Variants in RASA1 observed in about 807,000 individuals in gnomAD.
RASA1 encodes the protein RAS p21 protein activator 1.
RASA1 carries 25 observed loss-of-function variants against 132.2 expected under a neutral mutation model. That is an observed-to-expected ratio of 0.19 (90% CI 0.14 to 0.26). RASA1 has a LOEUF of 0.26. Among genes scored for constraint, RASA1 ranks in the 10% least tolerant of loss-of-function variants. The probability of loss-of-function intolerance (pLI) is 1.00; values close to 1 mark genes in which losing one functional copy is unlikely to be tolerated. For synonymous variants in RASA1, 477 were observed against 449.9 expected, an observed-to-expected ratio of 1.06 and a Z score of -0.76; for missense variants, 964 against 1,299.2, an observed-to-expected ratio of 0.74 and a Z score of 3.97.
intron 11 of RASA1, among the ~76,000 whole-genome samples, chr5:87,366,184 T>C (rs960489891): frequency 1.3e-5 from 2 of 152,176 alleles, no homozygotes; most frequent in African/African-American, 4.8e-5. Context: ...AGTTTATGGA[T>C]TTAAGGCAGA....
intron 17 of RASA1, among the ~76,000 whole-genome samples, chr5:87,377,688 G>A (rs1761418054): frequency 6.6e-6 from 1 of 152,034 alleles, no homozygotes; most frequent in African/African-American, 2.4e-5. Context: ...AACTTTTATA[G>A]ATAGGTAGTT....
In RASA1 at chr5:87,338,536, A is replaced by ATATTTT; in HGVS notation, c.1017+446_1017+447insATTTTT. 1.2e-3 allele frequency among the ~76,000 whole-genome samples: 100 copies of ATATTTT among 85,208 alleles called. 2 individuals are homozygous for ATATTTT. The highest frequency in any genetic ancestry group is 7.5e-3 in the Middle Eastern group (1 of 134). The allele number at this position is 85,208 out of a possible 152,430, so 55.9% of individuals were successfully genotyped here. A position where few individuals can be genotyped will look rare whatever the true frequency, so the allele number is the denominator to read the frequency against. ...ATATATATATATATATATATATAAA[A>ATATTTT]TTTTTTTTTTTTTTAAGTAGAAATG... is the stretch of plus-strand genomic sequence containing the variant. On this transcript the variant is annotated intron_variant, in intron 5 of 24. Coordinates refer to ENST00000274376, the MANE Select transcript of RASA1 (RefSeq NM_002890.3).
intron 1 of RASA1, among the ~76,000 whole-genome samples, chr5:87,315,257 A>C (rs559653923): frequency 3.9e-5 from 6 of 152,204 alleles, no homozygotes; most frequent in Non-Finnish European, 8.8e-5. Context: ...GATGCTGGGA[A>C]GTCCAAGACT....
chr5:87,348,823 T>C (rs990244204), intron 7 of RASA1, among the ~76,000 whole-genome samples: 5 of 152,096 alleles, frequency 3.3e-5, no homozygotes, highest in African/African-American at 1.2e-4. Context: ...TTAAGCAAAC[T>C]GGTCTTCACT....
In RASA1 at chr5:87,268,875, T is replaced by C. The variant is rs971996288; in HGVS notation, c.424T>C (p.Tyr142His). Residue 142 changes from tyrosine to histidine, a missense_variant, in exon 1 of 25, where the codon TAC becomes CAC. Tyr to His is a moderately conservative substitution (Grantham distance 83). Around this residue, in one of 6 missense-constraint regions of RASA1, gnomAD observed 326 missense variants for 275.8 expected, o/e 1.18. Coordinates refer to ENST00000274376, the MANE Select transcript of RASA1 (RefSeq NM_002890.3). ...TTTTCCCCCTCTGCCCCCTCCCCCTTACCTGCCCCCTTTGGGGGCGGGCCT... is the reference window on the plus strand; with the variant it reads ...TTTTCCCCCTCTGCCCCCTCCCCCTCACCTGCCCCCTTTGGGGGCGGGCCT... ...GGFPPLPPPP[Y>H]LPPLGAGLGT... The C allele has an allele frequency of 6.2e-7, 1 of 1,613,914 alleles. No individual in the cohort carries two copies. The highest frequency in any genetic ancestry group is 1.3e-5 in the African/African-American group (1 of 74,914).
At chr5:87,274,172 T>C (rs1240404510) in intron 1 of RASA1, among the ~76,000 whole-genome samples, 2 of 152,194 alleles carry the variant, frequency 1.3e-5, no homozygotes, top group Non-Finnish European at 2.9e-5. Flanking sequence ...CAGGTCTGCT[T>C]TGCCTTTGCT....
chr5:87,353,143 T>A lies in RASA1; in HGVS notation c.1254-14T>A. 6.3e-7 allele frequency: 1 copy of A among 1,596,656 alleles called. No individual in the cohort carries two copies. The highest frequency in any genetic ancestry group is 8.6e-7 in the Non-Finnish European group (1 of 1,165,332). On this transcript the variant is annotated splice_polypyrimidine_tract_variant and intron_variant, in intron 8 of 24. Transcript: ENST00000274376. Reference sequence around the variant, plus strand: ...TATGAGACAGATTAATACTAGAAATTTTTATTTTAACAGCATTGGGGACAT... The same window carrying A: ...TATGAGACAGATTAATACTAGAAATATTTATTTTAACAGCATTGGGGACAT...
At chr5:87,380,123 A>G (rs1008245816) in intron 19 of RASA1, among the ~76,000 whole-genome samples, 1 of 152,228 alleles carries the variant, frequency 6.6e-6, no homozygotes, top group Admixed American at 6.5e-5. Context: ...ATTGTAAAAG[A>G]TATCTTGTCT....
In RASA1 at chr5:87,307,677, C is replaced by A. The variant is rs551661388; in HGVS notation, c.540-23671C>A. ...AAAATTTATTCCCCTTTGGGTCTGA[C>A]ATTGATAATTTGTGACTTTTTCTTC... On this transcript the variant is annotated intron_variant, in intron 1 of 24. Transcript: ENST00000274376. 1.6e-3 allele frequency among the ~76,000 whole-genome samples: 241 copies of A among 152,292 alleles called. 1 individual carries two copies. Among genetic ancestry groups the A allele is most frequent in the Middle Eastern group, 6.8e-3 (2 of 294 alleles).
intron 10 of RASA1, 133 bp downstream of exon 10, chr5:87,362,804 T>C: frequency 2.0e-6 from 2 of 1,010,734 alleles, no homozygotes; most frequent in Non-Finnish European, 2.9e-6. Flanking sequence ...AGAGCCCATA[T>C]ATAAGCATTC....
At chr5:87,379,681 A>T in intron 18 of RASA1, 54 bp from the exon 19 acceptor site, 1 of 1,597,584 alleles carries the variant, frequency 6.3e-7, no homozygotes, top group African/African-American at 1.3e-5. Context: ...TCCTCTATTC[A>T]TTTGCATTTG....
chr5:87,317,787 C>A (rs188885540), intron 1 of RASA1, among the ~76,000 whole-genome samples: 2 of 152,102 alleles, frequency 1.3e-5, no homozygotes, highest in East Asian at 3.9e-4. Context: ...AGGCGCATAC[C>A]ACCACACTCA....
Position 87,268,729 on chromosome 5 carries a change from C to G in RASA1, c.278C>G (p.Ala93Gly). ...GAGLTGGGTAAGVAGAAAGVA... is the reference protein window; with the variant it reads ...GAGLTGGGTAGGVAGAAAGVA... ...GGACTGACAGGGGGAGGTACTGCTGCTGGCGTAGCTGGTGCTGCTGCTGGC... is the reference window on the plus strand; with the variant it reads ...GGACTGACAGGGGGAGGTACTGCTGGTGGCGTAGCTGGTGCTGCTGCTGGC... The change falls in exon 1 of 25, where the codon GCT (alanine) becomes GGT (glycine). Residue 93 changes from alanine to glycine, a missense_variant. By Grantham distance (60) the Ala-to-Gly change is moderately conservative. Around this residue, in one of 6 missense-constraint regions of RASA1, gnomAD observed 326 missense variants for 275.8 expected, o/e 1.18. Coordinates refer to ENST00000274376, the MANE Select transcript of RASA1 (RefSeq NM_002890.3). 1.2e-6 allele frequency: 2 copies of G among 1,612,764 alleles called. No individual in the cohort carries two copies. The highest frequency in any genetic ancestry group is 1.7e-4 in the Middle Eastern group (1 of 6,002).
rs115470570 is a variant in RASA1, at chr5:87,307,830, G to A, written c.540-23518G>A. Among the ~76,000 whole-genome samples, 1,046 of 151,948 alleles carry A rather than the reference G, an allele frequency of 6.9e-3. 12 individuals are homozygous for A. Among genetic ancestry groups the A allele is most frequent in the African/African-American group, 0.023 (971 of 41,428 alleles). Reference sequence around the variant, plus strand: ...TTGTCTTCTTGTATACTCTCTCGGCGTGCGTTACATTTTAATTAAATGCCA... The same window carrying A: ...TTGTCTTCTTGTATACTCTCTCGGCATGCGTTACATTTTAATTAAATGCCA... On this transcript the variant is annotated intron_variant, in intron 1 of 24. Coordinates refer to ENST00000274376, the MANE Select transcript of RASA1 (RefSeq NM_002890.3).
intron 5 of RASA1, among the ~76,000 whole-genome samples, chr5:87,338,668 G>A (rs1452015703): frequency 1.3e-5 from 2 of 150,192 alleles, no homozygotes; most frequent in Admixed American, 6.6e-5. Context: ...CACAGTGCCC[G>A]GCCTATTTGT....
intron 7 of RASA1, among the ~76,000 whole-genome samples, chr5:87,348,743 A>C (rs1166882600): frequency 1.3e-5 from 2 of 151,874 alleles, no homozygotes; most frequent in African/African-American, 4.8e-5. Flanking sequence ...ATATGCATGT[A>C]CCACTGTGCC....
chr5:87,270,238 T>C (rs1420419296), intron 1 of RASA1, among the ~76,000 whole-genome samples: 17 of 138,534 alleles, frequency 1.2e-4, no homozygotes, highest in Non-Finnish European at 6.2e-5. Context: ...CGAGACTCTG[T>C]CTCAAAAAAA....
At chr5:87,279,545 T>G (rs1323363854) in intron 1 of RASA1, among the ~76,000 whole-genome samples, 1 of 152,216 alleles carries the variant, frequency 6.6e-6, no homozygotes, top group Non-Finnish European at 1.5e-5. Context: ...CTGGATTGTA[T>G]GATAGTTGCA....
At chr5:87,330,278 T>C (rs1006615011) in intron 1 of RASA1, among the ~76,000 whole-genome samples, 2 of 152,096 alleles carry the variant, frequency 1.3e-5, no homozygotes, top group Non-Finnish European at 2.9e-5. Context: ...CTTACAAAAA[T>C]AGTCATAGTA....
Sources: gnomAD v4.1 joint callset for allele counts (sites outside exome capture counted in the v4.1 genomes callset) on GRCh38, gnomAD v4.1.1 for gene constraint, gnomAD v4.1.1 regional missense constraint, MANE v1.5 for transcripts, NCBI Gene and HGNC (gene_info 2026-07-23, HGNC 2026-07-21) for gene names.